The following GPC5 variants were observed in gnomAD, a reference collection of about 807,000 sequenced individuals.
The protein encoded by GPC5 is glypican-5.
GPC5 carries 47 observed loss-of-function variants against 53.9 expected under a neutral mutation model. The ratio of observed to expected loss-of-function variants is 0.87; its 90% CI spans 0.69 to 1.11. The LOEUF (loss-of-function observed/expected upper bound fraction) is 1.11, where lower values mean the gene tolerates loss of function less well. GPC5 is among the 50% of genes most tolerant of loss of function. The pLI, the probability that GPC5 is intolerant of heterozygous loss-of-function variation, is 0.00. For synonymous variants in GPC5, 286 were observed against 263.3 expected, an observed-to-expected ratio of 1.09 and a Z score of -0.84; for missense variants, 748 against 713.1, an observed-to-expected ratio of 1.05 and a Z score of -0.56.
intron 7 of GPC5, among the ~76,000 whole-genome samples, chr13:92,428,223 C>T (rs952449405): frequency 1.3e-5 from 2 of 152,092 alleles, no homozygotes; most frequent in Non-Finnish European, 2.9e-5. Flanking sequence ...CTGCTGATGT[C>T]ATCGTAAGAC....
At chr13:91,722,160 A>C (rs758747763) in intron 3 of GPC5, among the ~76,000 whole-genome samples, 58 of 151,902 alleles carry the variant, frequency 3.8e-4, no homozygotes, top group Non-Finnish European at 6.8e-4. Context: ...GGAAAGAAAA[A>C]GAGAGAAAGA....
At chr13:91,559,301 A>C (rs1281873551) in intron 2 of GPC5, among the ~76,000 whole-genome samples, 1 of 152,126 alleles carries the variant, frequency 6.6e-6, no homozygotes, top group Admixed American at 6.6e-5. Context: ...GATGGCTACA[A>C]GATGTATGAT....
chr13:92,352,533 G>A (rs751813024), intron 7 of GPC5, among the ~76,000 whole-genome samples: 64 of 151,936 alleles, frequency 4.2e-4, no homozygotes, highest in Admixed American at 1.0e-3. Context: ...TAATTCAATG[G>A]AAAACTGCCA....
intron 7 of GPC5, among the ~76,000 whole-genome samples, chr13:92,528,034 G>A (rs1000151860): frequency 3.9e-5 from 6 of 151,902 alleles, no homozygotes; most frequent in Non-Finnish European, 7.4e-5. Context: ...TATTGTCACC[G>A]TAATGTGAAA....
At chr13:92,837,549 G>A (rs1356792943) in intron 7 of GPC5, among the ~76,000 whole-genome samples, 1 of 152,134 alleles carries the variant, frequency 6.6e-6, no homozygotes, top group African/African-American at 2.4e-5. Flanking sequence ...CCACTGTGGG[G>A]AAAGAAAATC....
chr13:91,711,805 C>T (rs1379166887), intron 3 of GPC5, among the ~76,000 whole-genome samples: 1 of 152,042 alleles, frequency 6.6e-6, no homozygotes, highest in Non-Finnish European at 1.5e-5. Context: ...TGCATTATTT[C>T]GGGTTTGGGT....
intron 5 of GPC5, among the ~76,000 whole-genome samples, chr13:91,886,006 A>G (rs2039317656): frequency 6.6e-6 from 1 of 151,922 alleles, no homozygotes; most frequent in Non-Finnish European, 1.5e-5. Context: ...CTGTTTACCT[A>G]GAAGGTAGTG....
chr13:91,572,180 CGT>C (rs1383198566), intron 2 of GPC5, among the ~76,000 whole-genome samples: 1 of 40,934 alleles, frequency 2.4e-5, no homozygotes, highest in African/African-American at 4.6e-5. Context: ...TGTATATATA[CGT>C]GTGTATACAC....
rs190997196 is a variant in GPC5 at position 92,472,276 on chromosome 13, A to C, written c.1561+327287A>C. Among the ~76,000 whole-genome samples, 6 of 152,210 alleles carry C rather than the reference A, an allele frequency of 3.9e-5. No individual in the cohort carries two copies. In the East Asian group the frequency reaches 1.2e-3, roughly 29 times the overall value. On this transcript the variant is annotated intron_variant, in intron 7 of 7. Coordinates refer to ENST00000377067, the MANE Select transcript of GPC5 (RefSeq NM_004466.6). ...ACTTCTATCCCCTTCTCTTTCCAGG[A>C]ATATTTATTGGAAGTTTAATCTCTT...
chr13:91,978,448 A>G (rs1471303770), intron 6 of GPC5, among the ~76,000 whole-genome samples: 1 of 152,240 alleles, frequency 6.6e-6, no homozygotes, highest in Admixed American at 6.5e-5. Flanking sequence ...TAGCCATAAG[A>G]TTACTACCAG....
rs538388183 is a variant in GPC5, at chr13:92,415,737, C to T, written c.1561+270748C>T. On this transcript the variant is annotated intron_variant, in intron 7 of 7. Coordinates refer to ENST00000377067, the MANE Select transcript of GPC5 (RefSeq NM_004466.6). ...TAATATAAGTCATTGTAGTGAGCTACGCAGAACAGACTGGATGAGGAGAAC... is the reference window on the plus strand; with the variant it reads ...TAATATAAGTCATTGTAGTGAGCTATGCAGAACAGACTGGATGAGGAGAAC... 1.3e-4 allele frequency among the ~76,000 whole-genome samples: 19 copies of T among 151,370 alleles called. No homozygotes were observed. The East Asian group carries it at 1.9e-3, about 15-fold the overall frequency.
intron 6 of GPC5, among the ~76,000 whole-genome samples, chr13:91,972,070 A>G (rs1295291025): frequency 6.6e-6 from 1 of 152,172 alleles, no homozygotes; most frequent in Non-Finnish European, 1.5e-5. Flanking sequence ...GTGGGGTGTT[A>G]AAGTCTCCCA....
chr13:92,674,649 C>T lies in GPC5; in HGVS notation c.1562-191633C>T, dbSNP rs144820416. Among the ~76,000 whole-genome samples, 300 of 151,992 alleles carry T rather than the reference C, an allele frequency of 2.0e-3. 1 individual carries two copies. Among genetic ancestry groups the T allele is most frequent in the African/African-American group, 6.9e-3 (285 of 41,480 alleles). On this transcript the variant is annotated intron_variant, in intron 7 of 7. Transcript: ENST00000377067. ...TCATCATACCATTATTAATAGAGGA[C>T]ATTGCTAATTTCTAGAAGGGCTTCA...
chr13:91,412,800 A>T (rs945663532), intron 1 of GPC5, among the ~76,000 whole-genome samples: 3 of 152,250 alleles, frequency 2.0e-5, no homozygotes, highest in African/African-American at 7.2e-5. Flanking sequence ...CCGCAGTATG[A>T]ATCAAAGTTT....
At chr13:92,661,336 G>GA (rs35586990) in intron 7 of GPC5, among the ~76,000 whole-genome samples, 1,659 of 142,794 alleles carry the variant, frequency 0.012, 20 homozygotes, top group Non-Finnish European at 0.019. Context: ...GGAGAAATTT[G>GA]AAAAAAAAAA....
chr13:92,757,001 C>CA (rs1187722437), intron 7 of GPC5, among the ~76,000 whole-genome samples: 1 of 151,730 alleles, frequency 6.6e-6, no homozygotes, highest in Non-Finnish European at 1.5e-5. Flanking sequence ...CATATGGAAC[C>CA]AAAAAAGAGC....
At chr13:91,469,396 G>A (rs112048331) in intron 2 of GPC5, among the ~76,000 whole-genome samples, 3,043 of 151,838 alleles carry the variant, frequency 0.02, 96 homozygotes, top group African/African-American at 0.068. Flanking sequence ...GGCGTGAGTC[G>A]CTGCACCTGG....
intron 7 of GPC5, among the ~76,000 whole-genome samples, chr13:92,204,306 G>A (rs1242519561): frequency 6.6e-6 from 1 of 152,158 alleles, no homozygotes; most frequent in Admixed American, 6.5e-5. Context: ...TACCATATAT[G>A]CCAATCAAAT....
At chr13:92,125,215 A>G (rs866127484) in intron 6 of GPC5, among the ~76,000 whole-genome samples, 9 of 152,324 alleles carry the variant, frequency 5.9e-5, no homozygotes, top group Middle Eastern at 3.4e-3. Flanking sequence ...TTGGAAATAA[A>G]TAATTCCCTG....
Sources: allele counts gnomAD v4.1 joint callset (sites outside exome capture counted in the v4.1 genomes callset), GRCh38; gene constraint gnomAD v4.1.1; transcripts MANE v1.5; gene names NCBI Gene and HGNC (gene_info 2026-07-23, HGNC 2026-07-21).